The following GABRB3 variants were observed in gnomAD, a reference collection of about 807,000 sequenced individuals.
The protein encoded by GABRB3 is gamma-aminobutyric acid type A receptor subunit beta3, also known as gamma-aminobutyric acid receptor subunit beta-3.
Under a neutral mutation model 52.1 loss-of-function variants are expected in GABRB3, and 14 were observed. The ratio of observed to expected loss-of-function variants is 0.27; its 90% CI spans 0.18 to 0.42. GABRB3 has a LOEUF of 0.42. GABRB3 is among the 10% of genes least tolerant of loss of function. The probability of loss-of-function intolerance (pLI) is 1.00; values close to 1 mark genes in which losing one functional copy is unlikely to be tolerated. For missense variants in GABRB3, 307 were observed against 609.1 expected, an observed-to-expected ratio of 0.50 and a Z score of 5.22; for synonymous variants, 260 against 232.3, an observed-to-expected ratio of 1.12 and a Z score of -1.08.
At chr15:26,681,154 C>T (rs1889442879) in intron 3 of GABRB3, among the ~76,000 whole-genome samples, 1 of 152,094 alleles carries the variant, frequency 6.6e-6, no homozygotes, top group Non-Finnish European at 1.5e-5. Flanking sequence ...AACCAACCAA[C>T]CAGCGGCATT....
intron 3 of GABRB3, among the ~76,000 whole-genome samples, chr15:26,760,268 C>T: frequency 6.6e-6 from 1 of 152,180 alleles, no homozygotes; most frequent in Non-Finnish European, 1.5e-5. Context: ...ATGTTTCAAA[C>T]AGCTTACGGA....
chr15:26,772,393 G>A lies in GABRB3; in HGVS notation c.240+9C>T. 2 of 1,606,260 alleles carry A rather than the reference G, an allele frequency of 1.2e-6. No homozygotes were observed. The highest frequency in any genetic ancestry group is 8.5e-7 in the Non-Finnish European group (1 of 1,176,364). The stretch of plus-strand genomic sequence containing the variant: ...GCTCAGGGACCGCCCTGGGAGGGCG[G>A]GCACTCACCATGTTGACTTCGGAAA... On this transcript the variant is annotated intron_variant, in intron 3 of 8. Coordinates refer to ENST00000311550, the MANE Select transcript of GABRB3 (RefSeq NM_000814.6).
intron 3 of GABRB3, chr15:26,716,723 C>T: frequency 9.8e-7 from 1 of 1,015,818 alleles, no homozygotes; most frequent in South Asian, 3.7e-5. Context: ...CTTTCACAGG[C>T]CATCCAGCTC....
intron 6 of GABRB3, 82 bp downstream of exon 6, chr15:26,580,237 C>T (rs1247870690): frequency 4.0e-6 from 6 of 1,511,112 alleles, no homozygotes. Context: ...TGCTGTGAGT[C>T]TATGGCAGCA....
Position 26,548,063 on chromosome 15 carries a change from G to A in GABRB3, c.1152C>T (p.Gly384=). Residue 384 remains glycine, a synonymous_variant, in exon 9 of 9, where the codon GGC becomes GGT. Transcript: ENST00000311550. Reference sequence around the variant, plus strand: ...TTGCTGAATTCCTGGTATCGCCAATGCCGCCTGAGACCTCATTCATTTCAT... The same window carrying A: ...TTGCTGAATTCCTGGTATCGCCAATACCGCCTGAGACCTCATTCATTTCAT... ...VHNEMNEVSG[G]IGDTRNSAIS... is the part of the protein sequence containing the mutation. 2 of 1,614,148 alleles carry A rather than the reference G, an allele frequency of 1.2e-6. No homozygotes were observed. The highest frequency in any genetic ancestry group is 1.7e-6 in the Non-Finnish European group (2 of 1,180,018).
chr15:26,773,179 A>G (rs1175440934), upstream of GABRB3: 1 of 202,266 alleles, frequency 4.9e-6, no homozygotes, highest in Non-Finnish European at 9.2e-6. Context: ...GCGGGGGAGG[A>G]GGCCGGAGAG....
chr15:26,591,226 A>G (rs1415396743), intron 4 of GABRB3, among the ~76,000 whole-genome samples: 1 of 152,220 alleles, frequency 6.6e-6, no homozygotes, highest in Admixed American at 6.5e-5. Context: ...ATTGTTACAC[A>G]GCACTCTTGC....
chr15:26,558,847 AAAAGAAAG>A lies in GABRB3; in HGVS notation c.1080+2077_1080+2084del, dbSNP rs537158362. 9.9e-5 allele frequency among the ~76,000 whole-genome samples: 15 copies of A among 151,846 alleles called. No individual in the cohort carries two copies. The East Asian group carries it at 2.9e-3, about 29-fold the overall frequency. The stretch of plus-strand genomic sequence containing the variant: ...GAGCGAAACTCCATCTCAAAAAAAA[AAAAGAAAG>A]AAAGAAAGAAATACCTGAGACTGGG... On this transcript the variant is annotated intron_variant, in intron 8 of 8. Coordinates refer to ENST00000311550, the MANE Select transcript of GABRB3 (RefSeq NM_000814.6).
At chr15:26,592,799 G>C (rs1282554623) in intron 4 of GABRB3, among the ~76,000 whole-genome samples, 2 of 152,048 alleles carry the variant, frequency 1.3e-5, no homozygotes, top group African/African-American at 4.8e-5. Context: ...TGGATCACAA[G>C]GTCAGGAGTT....
At position 26,583,206 on chromosome 15, in the gene GABRB3, T is replaced by C. The variant is rs1400467949; in HGVS notation, c.544+126A>G. ...GTCTCTCTCTCTCTCTGTGTTTCTC[T>C]CTCTGTGTCTTCCCCTCTTTCTATG... On this transcript the variant is annotated intron_variant, in intron 5 of 8. Coordinates refer to ENST00000311550, the MANE Select transcript of GABRB3 (RefSeq NM_000814.6). 2.2e-5 allele frequency: 16 copies of C among 737,644 alleles called. No homozygotes were observed. In the East Asian group the frequency reaches 3.7e-4, roughly 17 times the overall value. 45.7% of individuals were successfully genotyped at this position (737,644 alleles called of 1,614,324 possible).
At chr15:26,632,587 G>A (rs1433117817) in intron 3 of GABRB3, among the ~76,000 whole-genome samples, 1 of 152,202 alleles carries the variant, frequency 6.6e-6, no homozygotes, top group Non-Finnish European at 1.5e-5. Flanking sequence ...GAAATCTGGA[G>A]AATTCAACCT....
At chr15:26,721,337 G>T (rs1889638711) in intron 3 of GABRB3, among the ~76,000 whole-genome samples, 1 of 152,112 alleles carries the variant, frequency 6.6e-6, no homozygotes, top group Non-Finnish European at 1.5e-5. Flanking sequence ...ATCTCCATTT[G>T]TAAGGGTGTC....
rs114869118 is a variant in GABRB3, at chr15:26,700,290, A to G, written c.240+72112T>C. On this transcript the variant is annotated intron_variant, in intron 3 of 8. Coordinates refer to ENST00000311550, the MANE Select transcript of GABRB3 (RefSeq NM_000814.6). ...GACGAACTATTGAAGCAAACTCAAG[A>G]AACAATAGATAACATGAATAAACCT... Among the ~76,000 whole-genome samples the G allele has an allele frequency of 4.4e-3, 669 of 152,346 alleles. 4 individuals carry two copies. The highest frequency in any genetic ancestry group is 0.015 in the African/African-American group (631 of 41,574).
chr15:26,773,346 C>T (rs1891214793), upstream of GABRB3, among the ~76,000 whole-genome samples: 1 of 150,778 alleles, frequency 6.6e-6, no homozygotes, highest in African/African-American at 2.4e-5. Context: ...GGGCCGGACG[C>T]TGCGAGCGGA....
At chr15:26,589,747 G>A (rs1006547664) in intron 4 of GABRB3, among the ~76,000 whole-genome samples, 6 of 152,120 alleles carry the variant, frequency 3.9e-5, no homozygotes, top group African/African-American at 1.2e-4. Flanking sequence ...TATTGCTCCT[G>A]TCCACGGTTC....
rs182924832 is a variant in GABRB3, at chr15:26,665,019, G to A, written c.241-43485C>T. On this transcript the variant is annotated intron_variant, in intron 3 of 8. Transcript: ENST00000311550. ...CATTTCTTTGGGTTAAGAACACTAG[G>A]AACATTCCAATTCTACTGTTACAGT... Among the ~76,000 whole-genome samples, 46 of 151,950 alleles carry A rather than the reference G, an allele frequency of 3.0e-4. No homozygotes were observed. In the East Asian group the frequency reaches 7.2e-3, roughly 24 times the overall value.
chr15:26,674,400 C>CAAA (rs55723767), intron 3 of GABRB3, among the ~76,000 whole-genome samples: 28 of 86,760 alleles, frequency 3.2e-4, no homozygotes, highest in African/African-American at 9.5e-4. Context: ...GACTCAGTTT[C>CAAA]AAAAAAAAAA....
At chr15:26,710,032 T>C (rs1566814397) in intron 3 of GABRB3, among the ~76,000 whole-genome samples, 1 of 152,220 alleles carries the variant, frequency 6.6e-6, no homozygotes, top group African/African-American at 2.4e-5. Context: ...AATGGAATCA[T>C]AGGCTATGTA....
intron 6 of GABRB3, among the ~76,000 whole-genome samples, chr15:26,568,795 A>G (rs935183424): frequency 2.0e-5 from 3 of 151,630 alleles, no homozygotes; most frequent in East Asian, 3.9e-4. Context: ...GATTACAGGC[A>G]TGAGCCACTG....
Sources: allele counts gnomAD v4.1 joint callset (sites outside exome capture counted in the v4.1 genomes callset), GRCh38; gene constraint gnomAD v4.1.1; transcripts MANE v1.5; gene names NCBI Gene and HGNC (gene_info 2026-07-23, HGNC 2026-07-21).